Variants in ERBB2 observed in about 807,000 individuals in gnomAD.
The protein encoded by ERBB2 is receptor tyrosine-protein kinase erbB-2.
ERBB2 carries 61 observed loss-of-function variants against 149.0 expected under a neutral mutation model. The observed-to-expected ratio is 0.41, with a 90% CI of 0.33 to 0.51. ERBB2 has a LOEUF of 0.51. ERBB2 is among the 20% of genes least tolerant of loss of function. The probability of loss-of-function intolerance (pLI) is 0.25; values close to 1 mark genes in which losing one functional copy is unlikely to be tolerated. For synonymous variants in ERBB2, 633 were observed against 678.8 expected, an observed-to-expected ratio of 0.93 and a Z score of 1.05; for missense variants, 1,205 against 1,655.1, an observed-to-expected ratio of 0.73 and a Z score of 4.72.
chr17:39,723,988 A>G lies in ERBB2; in HGVS notation c.2285A>G (p.Lys762Arg). 2 of 1,613,842 alleles carry G rather than the reference A, an allele frequency of 1.2e-6. No homozygotes were observed. The highest frequency in any genetic ancestry group is 1.7e-6 in the Non-Finnish European group (2 of 1,179,880). The change falls in exon 19 of 27, where the codon AAA (lysine) becomes AGA (arginine). Residue 762 changes from lysine to arginine, a missense_variant. Physicochemically the swap from Lys to Arg is conservative, Grantham distance 26. This residue lies in a region of ERBB2 where 152 missense variants were observed against 318.1 expected (regional missense o/e 0.48). Transcript: ENST00000269571. The surrounding 1 kb of genome is among the most constrained non-coding windows in gnomAD (Gnocchi z 6.2). ...GTGTTGAGGGAAAACACATCCCCCA[A>G]AGCCAACAAAGAAATCTTAGACGTA... ...IKVLRENTSP[K>R]ANKEILDEAY...
At chr17:39,704,810 C>T (rs2058328235) in intron 1 of ERBB2, among the ~76,000 whole-genome samples, 1 of 152,170 alleles carries the variant, frequency 6.6e-6, no homozygotes, top group Non-Finnish European at 1.5e-5. Context: ...AACAAACTCA[C>T]TAGTGGGGTG....
chr17:39,718,636 A>G (rs2059281435), intron 15 of ERBB2, among the ~76,000 whole-genome samples: 1 of 152,208 alleles, frequency 6.6e-6, no homozygotes, highest in South Asian at 2.1e-4. Context: ...CGTCTCTACT[A>G]AAAATACAAA....
rs771812007 is a variant in ERBB2 at position 39,727,525 on chromosome 17, C to G, written c.3390C>G (p.Pro1130=). ...LPSETDGYVA[P]LTCSPQPEYV... ...CTGAGACTGATGGCTACGTTGCCCC[C>G]CTGACCTGCAGCCCCCAGCCTGGTA... Residue 1130 remains proline (P), a synonymous_variant, in exon 26 of 27, where the codon CCC becomes CCG. Coordinates refer to ENST00000269571, the MANE Select transcript of ERBB2 (RefSeq NM_004448.4). This position sits in a 1 kb window ranked among gnomAD's most constrained non-coding sequence, Gnocchi z 4.3. 7.5e-6 allele frequency: 12 copies of G among 1,604,202 alleles called. No individual in the cohort carries two copies. Among genetic ancestry groups the G allele is most frequent in the Admixed American group, 3.6e-5 (2 of 56,106 alleles).
intron 4 of ERBB2, 29 bp from the exon 5 acceptor site, chr17:39,709,784 T>C (rs1379807283): frequency 6.2e-7 from 1 of 1,600,490 alleles, no homozygotes; most frequent in African/African-American, 1.3e-5. Flanking sequence ...GACATCTCTC[T>C]CACTGCCTGT....
intron 15 of ERBB2, among the ~76,000 whole-genome samples, chr17:39,718,437 C>G (rs2145728114): frequency 6.6e-6 from 1 of 152,326 alleles, no homozygotes; most frequent in East Asian, 1.9e-4. Flanking sequence ...CTTTTCTGCA[C>G]ACTTATATAG....
At chr17:39,705,924 C>T (rs4252605) in intron 1 of ERBB2, among the ~76,000 whole-genome samples, 3,936 of 152,286 alleles carry the variant, frequency 0.026, 186 homozygotes, top group African/African-American at 0.091. Flanking sequence ...CCCACCCTTC[C>T]GATCTCCTGG....
chr17:39,718,595 C>T lies in ERBB2; in HGVS notation c.1898+1115C>T, dbSNP rs150554163. ...GGCAGATCACTTGAGATCAGGAGTT[C>T]GAGACCAATCTGGCCAACATAGCGA... On this transcript the variant is annotated intron_variant, in intron 15 of 26. Coordinates refer to ENST00000269571, the MANE Select transcript of ERBB2 (RefSeq NM_004448.4). 1.9e-3 allele frequency among the ~76,000 whole-genome samples: 288 copies of T among 152,148 alleles called. 2 individuals carry two copies. Among genetic ancestry groups the T allele is most frequent in the Non-Finnish European group, 2.5e-3 (173 of 68,010 alleles).
At chr17:39,722,952 T>C (rs2059527447) in intron 16 of ERBB2, among the ~76,000 whole-genome samples, 1 of 152,176 alleles carries the variant, frequency 6.6e-6, no homozygotes, top group Non-Finnish European at 1.5e-5. Context: ...CTCGAACTCC[T>C]GACCTTGTGA....
Position 39,700,165 on chromosome 17 carries a change from C to G in ERBB2, c.-74C>G, listed in dbSNP as rs1410377517. 4.5e-6 allele frequency: 6 copies of G among 1,340,628 alleles called. No individual in the cohort carries two copies. Among genetic ancestry groups the G allele is most frequent in the Middle Eastern group, 2.8e-4 (1 of 3,600 alleles). The allele number at this position is 1,340,628 out of a possible 1,614,324, so 83.0% of individuals were successfully genotyped here. A position where few individuals can be genotyped will look rare whatever the true frequency, so the allele number is the denominator to read the frequency against. On this transcript the variant is annotated 5_prime_UTR_variant, in exon 1 of 27. Transcript: ENST00000269571. ...CGCCGCGCGCCCGGCCCCCACCCCT[C>G]GCAGCACCCCGCGCCCCGCGCCCTC...
Position 39,725,163 on chromosome 17 carries a change from C to T in ERBB2, c.2608C>T (p.Leu870=), listed in dbSNP as rs2059680099. The T allele has an allele frequency of 2.5e-6, 4 of 1,614,118 alleles. No homozygotes were observed. The East Asian group carries it at 8.9e-5, about 36-fold the overall frequency. ...TACAGACTTCGGGCTGGCTCGGCTG[C>T]TGGACATTGACGAGACAGAGTACCA... ...KITDFGLARL[L]DIDETEYHAD... is the part of the protein sequence containing the mutation. Residue 870 remains leucine (L), a synonymous_variant, in exon 21 of 27, where the codon CTG becomes TTG. Coordinates refer to ENST00000269571, the MANE Select transcript of ERBB2 (RefSeq NM_004448.4). The surrounding 1 kb of genome is among the most constrained non-coding windows in gnomAD (Gnocchi z 4.6).
At chr17:39,715,647 G>C in intron 11 of ERBB2, 93 bp from the exon 12 acceptor site, 1 of 1,562,342 alleles carries the variant, frequency 6.4e-7, no homozygotes, top group Admixed American at 1.7e-5. Context: ...TTCCATGAAA[G>C]TCTGCAGAGT....
upstream of ERBB2, chr17:39,693,135 T>C (rs562609960): frequency 2.0e-5 from 3 of 152,334 alleles, no homozygotes; most frequent in South Asian, 6.2e-4. Flanking sequence ...TTAAATACAG[T>C]TGACCCTTGA....
At chr17:39,704,489 C>T (rs1028530604) in intron 1 of ERBB2, among the ~76,000 whole-genome samples, 1 of 152,174 alleles carries the variant, frequency 6.6e-6, no homozygotes, top group African/African-American at 2.4e-5. Context: ...AGGAGAATTG[C>T]TTGAACCCGG....
Position 39,725,316 on chromosome 17 carries a change from T to G in ERBB2, c.2650-11T>G. The G allele has an allele frequency of 1.9e-6, 3 of 1,613,752 alleles. No homozygotes were observed. Among genetic ancestry groups the G allele is most frequent in the Non-Finnish European group, 2.5e-6 (3 of 1,179,850 alleles). Reference sequence around the variant, plus strand: ...CACACAGTTGGAGGACTTCCTCTTCTGCCCTCCCAGGTGCCCATCAAGTGG... The same window carrying G: ...CACACAGTTGGAGGACTTCCTCTTCGGCCCTCCCAGGTGCCCATCAAGTGG... On this transcript the variant is annotated splice_polypyrimidine_tract_variant and intron_variant, in intron 21 of 26. Transcript: ENST00000269571. The surrounding 1 kb of genome is among the most constrained non-coding windows in gnomAD (Gnocchi z 4.6).
chr17:39,701,586 G>A (rs1026595361), intron 1 of ERBB2, among the ~76,000 whole-genome samples: 1 of 152,156 alleles, frequency 6.6e-6, no homozygotes, highest in African/African-American at 2.4e-5. Context: ...TTGCCCGAGG[G>A]GCCCTCTGTG....
chr17:39,721,261 C>CTTTTT (rs33957748), intron 16 of ERBB2, among the ~76,000 whole-genome samples: 47 of 82,938 alleles, frequency 5.7e-4, no homozygotes, highest in Middle Eastern at 7.9e-3. Context: ...TGAGCCAAGT[C>CTTTTT]TTTTTTTTTT....
Position 39,726,454 on chromosome 17 carries a change from G to T in ERBB2, c.2873-108G>T. On this transcript the variant is annotated intron_variant, in intron 23 of 26. Coordinates refer to ENST00000269571, the MANE Select transcript of ERBB2 (RefSeq NM_004448.4). The surrounding 1 kb of genome is among the most constrained non-coding windows in gnomAD (Gnocchi z 5.1). ...TACTTCTCTACCACCTGAGGGCTTT[G>T]GGCTGTCCCTTGGGACTGTCTAGAC... The T allele has an allele frequency of 2.3e-6, 2 of 860,246 alleles. No homozygotes were observed. The highest frequency in any genetic ancestry group is 3.9e-6 in the Non-Finnish European group (2 of 516,480). The allele number at this position is 860,246 out of a possible 1,614,324, so 53.3% of individuals were successfully genotyped here.
At position 39,715,755 on chromosome 17, in the gene ERBB2, G is replaced by C. The variant is rs1279019851; in HGVS notation, c.1329G>C (p.Leu443=). The part of the protein sequence containing the change: ...GRILHNGAYS[L]TLQGLGISWL... ...TCTCCCATAGTGGCGCCTACTCGCT[G>C]ACCCTGCAAGGGCTGGGCATCAGCT... is the stretch of plus-strand genomic sequence containing the variant. The change falls in exon 12 of 27, where the codon CTG becomes CTC. Residue 443 remains leucine (L), a synonymous_variant. Coordinates refer to ENST00000269571, the MANE Select transcript of ERBB2 (RefSeq NM_004448.4). 2 of 1,606,880 alleles carry C rather than the reference G, an allele frequency of 1.2e-6. No homozygotes were observed. Among genetic ancestry groups the C allele is most frequent in the Non-Finnish European group, 1.7e-6 (2 of 1,179,986 alleles).
chr17:39,691,556 A>AAAAAAAAAAAAAAAAAAAAAAATATAT (rs573116217), upstream of ERBB2, among the ~76,000 whole-genome samples: 2 of 84,200 alleles, frequency 2.4e-5, no homozygotes, highest in Non-Finnish European at 2.5e-5. Context: ...TAAAAAAAAA[A>AAAAAAAAAAAAAAAAAAAAAAATATAT]ATATATATAT....
Sources: gnomAD v4.1 joint callset for allele counts (sites outside exome capture counted in the v4.1 genomes callset) on GRCh38, gnomAD v4.1.1 for gene constraint, gnomAD v4.1.1 regional missense constraint, Gnocchi (gnomAD v3.1) non-coding constraint, MANE v1.5 for transcripts, NCBI Gene and HGNC (gene_info 2026-07-23, HGNC 2026-07-21) for gene names.